The following EXOC6B variants were observed in gnomAD, a reference collection of about 807,000 sequenced individuals.
The protein encoded by EXOC6B is SEC15 homolog B.
EXOC6B carries 54 observed loss-of-function variants against 113.5 expected under a neutral mutation model. The observed-to-expected ratio is 0.48, with a 90% CI of 0.38 to 0.60. The LOEUF (loss-of-function observed/expected upper bound fraction) is 0.60. EXOC6B is among the 20% of genes least tolerant of loss of function. The pLI is 0.00. For missense variants in EXOC6B, 797 were observed against 977.5 expected (o/e 0.82, Z 2.46); for synonymous variants, 357 against 339.0 (o/e 1.05, Z -0.58).
chr2:72,190,017 C>CCCTT (rs1300973439), intron 20 of EXOC6B, among the ~76,000 whole-genome samples: 3 of 148,230 alleles, frequency 2.0e-5, no homozygotes, highest in Admixed American at 6.7e-5. Flanking sequence ...CTCCCTCCCT[C>CCCTT]CCTTCCTTCC....
At chr2:72,417,983 AT>A (rs1237291748) in intron 18 of EXOC6B, among the ~76,000 whole-genome samples, 1 of 151,970 alleles carries the variant, frequency 6.6e-6, no homozygotes, top group Non-Finnish European at 1.5e-5. Context: ...TTATTTTACT[AT>A]TTTCATATTT....
intron 1 of EXOC6B, among the ~76,000 whole-genome samples, chr2:72,807,096 G>A (rs181954350): frequency 5.5e-4 from 84 of 152,030 alleles, no homozygotes; most frequent in Admixed American, 4.3e-3. Flanking sequence ...ATCTTTGGCC[G>A]TGCCTGTGTC....
chr2:72,210,865 G>C (rs913116950), intron 20 of EXOC6B, among the ~76,000 whole-genome samples: 1 of 152,182 alleles, frequency 6.6e-6, no homozygotes, highest in Non-Finnish European at 1.5e-5. Context: ...GTCGGCTGTG[G>C]ACTCTTGGAT....
intron 1 of EXOC6B, among the ~76,000 whole-genome samples, chr2:72,807,825 T>C (rs373867096): frequency 6.8e-6 from 1 of 146,206 alleles, no homozygotes; most frequent in Non-Finnish European, 1.5e-5. Context: ...AGAGGAGAAG[T>C]AGGGATAGTT....
At chr2:72,260,886 A>C (rs1683672012) in intron 20 of EXOC6B, among the ~76,000 whole-genome samples, 1 of 152,212 alleles carries the variant, frequency 6.6e-6, no homozygotes, top group Non-Finnish European at 1.5e-5. Flanking sequence ...GAAATATGAA[A>C]GTTACTAAAT....
intron 12 of EXOC6B, 130 bp downstream of exon 12, chr2:72,499,771 C>G (rs2105588523): frequency 1.6e-6 from 1 of 617,784 alleles, no homozygotes; most frequent in South Asian, 2.2e-5. Flanking sequence ...TGGACTCAAG[C>G]AATTCTCCTA....
chr2:72,590,192 A>T (rs539855722), intron 6 of EXOC6B, among the ~76,000 whole-genome samples: 24 of 152,124 alleles, frequency 1.6e-4, no homozygotes, highest in African/African-American at 5.3e-4. Context: ...ATATAAGACA[A>T]CTTATCATAG....
intron 18 of EXOC6B, among the ~76,000 whole-genome samples, chr2:72,420,372 T>C (rs1188930850): frequency 6.6e-6 from 1 of 152,180 alleles, no homozygotes; most frequent in Non-Finnish European, 1.5e-5. Context: ...TTTTTCCTAA[T>C]GCTATCCCTC....
intron 1 of EXOC6B, among the ~76,000 whole-genome samples, chr2:72,753,470 T>A (rs1238143642): frequency 6.6e-6 from 1 of 152,004 alleles, no homozygotes; most frequent in South Asian, 2.1e-4. Flanking sequence ...CCCTCCCTAT[T>A]CTCCCCAGCT....
rs186955355 is a variant in EXOC6B, at chr2:72,725,524, T to C, written c.464+5483A>G. On this transcript the variant is annotated intron_variant, in intron 5 of 21. Transcript: ENST00000272427. ...TGATGCCTCAGCCCCTCTGAGGAGC[T>C]GGGGTTACAGACACAGACCACCACA... Among the ~76,000 whole-genome samples, 4 of 152,190 alleles carry C rather than the reference T, an allele frequency of 2.6e-5. No individual in the cohort carries two copies. The East Asian group carries it at 5.8e-4, about 22-fold the overall frequency.
At chr2:72,671,256 C>G (rs1463139044) in intron 6 of EXOC6B, among the ~76,000 whole-genome samples, 1 of 152,150 alleles carries the variant, frequency 6.6e-6, no homozygotes, top group Admixed American at 6.5e-5. Context: ...TGTTTGCAAC[C>G]TATCTATCTG....
chr2:72,376,404 G>T (rs957262823), intron 19 of EXOC6B, among the ~76,000 whole-genome samples: 1 of 152,046 alleles, frequency 6.6e-6, no homozygotes, highest in Non-Finnish European at 1.5e-5. Flanking sequence ...CTTCTGGTTT[G>T]CTCTGTTTCT....
At chr2:72,300,999 T>C (rs538753702) in intron 20 of EXOC6B, among the ~76,000 whole-genome samples, 1 of 152,158 alleles carries the variant, frequency 6.6e-6, no homozygotes, top group Non-Finnish European at 1.5e-5. Context: ...TCAGCTCTTA[T>C]TATTTTGAGG....
intron 6 of EXOC6B, among the ~76,000 whole-genome samples, chr2:72,698,300 A>C (rs1451422093): frequency 6.6e-6 from 1 of 152,348 alleles, no homozygotes; most frequent in East Asian, 1.9e-4. Flanking sequence ...ATAATTAAGG[A>C]ACAAGAGTGC....
At chr2:72,419,751 T>A (rs1694756731) in intron 18 of EXOC6B, among the ~76,000 whole-genome samples, 1 of 152,242 alleles carries the variant, frequency 6.6e-6, no homozygotes, top group Non-Finnish European at 1.5e-5. Context: ...TCAAAAGTTT[T>A]ATTTTTAATG....
intron 18 of EXOC6B, among the ~76,000 whole-genome samples, chr2:72,444,513 C>CT (rs1253245327): frequency 2.6e-5 from 4 of 152,234 alleles, no homozygotes; most frequent in Non-Finnish European, 4.4e-5. Context: ...CTGCACTGCC[C>CT]TAGCAGAGGT....
intron 5 of EXOC6B, among the ~76,000 whole-genome samples, chr2:72,726,680 A>G (rs1463526582): frequency 6.6e-6 from 1 of 152,158 alleles, no homozygotes; most frequent in Non-Finnish European, 1.5e-5. Context: ...CATAACAACA[A>G]TGACATAAGG....
chr2:72,600,181 G>C (rs1227492557), intron 6 of EXOC6B, among the ~76,000 whole-genome samples: 1 of 151,946 alleles, frequency 6.6e-6, no homozygotes, highest in Non-Finnish European at 1.5e-5. Flanking sequence ...TGGCTCACAC[G>C]AGTAATCCCA....
intron 16 of EXOC6B, among the ~76,000 whole-genome samples, chr2:72,489,573 T>C (rs1699625776): frequency 6.6e-6 from 1 of 152,188 alleles, no homozygotes. Context: ...TCCTGTGAAA[T>C]ACATGCTACC....
Sources: allele counts gnomAD v4.1 joint callset (sites outside exome capture counted in the v4.1 genomes callset), GRCh38; gene constraint gnomAD v4.1.1; transcripts MANE v1.5; gene names NCBI Gene and HGNC (gene_info 2026-07-23, HGNC 2026-07-21).